The following RNF128 variants were observed in gnomAD, a reference collection of about 807,000 sequenced individuals.
RNF128 encodes ring finger protein 128, also known as E3 ubiquitin-protein ligase RNF128.
In RNF128, 13 loss-of-function variants were observed where a neutral mutation model predicts 26.2. That is an observed-to-expected ratio of 0.50 (90% CI 0.32 to 0.79). RNF128 has a LOEUF of 0.79. Among genes scored for constraint, RNF128 ranks in the 30% least tolerant of loss-of-function variants. The pLI is 0.03. For synonymous variants in RNF128, 149 were observed against 142.5 expected, an observed-to-expected ratio of 1.05 and a Z score of -0.32; for missense variants, 315 against 349.7, an observed-to-expected ratio of 0.90 and a Z score of 0.79.
chrX:106,791,105 G>T lies in RNF128; in HGVS notation c.1024G>T (p.Val342Leu), dbSNP rs1392003749. 1.7e-6 allele frequency: 2 copies of T among 1,207,521 alleles called. No homozygotes were observed. Residue 342 changes from valine (V) to leucine (L), a missense_variant, in exon 6 of 7, where the codon GTA (valine) becomes TTA (leucine). Transcript: ENST00000255499. Reference protein sequence around the residue: ...EDGSVSLQVPVSNEISNSASS... With the variant: ...EDGSVSLQVPLSNEISNSASS... ...TGGATCAGTGTCTTTACAAGTCCCT[G>T]TATCCAATGAAATATCTAATAGTGC...
rs911109988 is a variant in RNF128 at position 106,726,703 on chromosome X, G to A, written c.-211G>A. 1.9e-6 allele frequency: 2 copies of A among 1,026,441 alleles called. No homozygotes were observed. Among genetic ancestry groups the A allele is most frequent in the South Asian group, 2.9e-5 (1 of 34,434 alleles). The allele number at this position is 1,026,441 out of a possible 1,213,427, so 84.6% of individuals were successfully genotyped here. On this transcript the variant is annotated 5_prime_UTR_variant, in exon 1 of 7. Coordinates refer to ENST00000255499, the MANE Select transcript of RNF128 (RefSeq NM_194463.2). ...CCCCAGAGCCCGACGCGGCAGCCGC[G>A]GTAGCGGAGAAGACTGGAGCTCCGA... is the stretch of plus-strand genomic sequence containing the variant.
intron 1 of RNF128, among the ~76,000 whole-genome samples, chrX:106,762,467 C>T (rs1199754837): frequency 9.0e-6 from 1 of 110,524 alleles, no homozygotes; most frequent in East Asian, 2.8e-4. Context: ...GCATGCACTG[C>T]CACGCCTGGC....
chrX:106,694,483 T>C, intron 1 of RNF128: 2 of 810,982 alleles, frequency 2.5e-6, no homozygotes, highest in East Asian at 7.2e-5. Flanking sequence ...AGAACTGGTC[T>C]AGGATCTGGC....
At chrX:106,694,744 A>C (rs1379379858) in intron 1 of RNF128, among the ~76,000 whole-genome samples, 1 of 111,188 alleles carries the variant, frequency 9.0e-6, no homozygotes, top group Non-Finnish European at 1.9e-5. Context: ...ATTAATTTGC[A>C]CTTCTCAGTT....
At chrX:106,699,429 T>TC (rs1325506848) in intron 1 of RNF128, among the ~76,000 whole-genome samples, 1 of 111,965 alleles carries the variant, frequency 8.9e-6, no homozygotes, top group Non-Finnish European at 1.9e-5. Flanking sequence ...CATTTTTTTT[T>TC]CACATAACAC....
chrX:106,787,358 A>G (rs747082055), intron 3 of RNF128, among the ~76,000 whole-genome samples: 1 of 111,501 alleles, frequency 9.0e-6, no homozygotes, highest in African/African-American at 3.2e-5. Flanking sequence ...AAGCTAGATA[A>G]TGCATGATTC....
At chrX:106,704,779 T>A (rs1005604782) in intron 1 of RNF128, among the ~76,000 whole-genome samples, 14 of 111,732 alleles carry the variant, frequency 1.3e-4, no homozygotes, top group Admixed American at 1.2e-3. Context: ...ACAAATTAGC[T>A]TCCATTTGGG....
At chrX:106,768,424 TCTTCC>T (rs1930295242) in intron 1 of RNF128, among the ~76,000 whole-genome samples, 1 of 111,735 alleles carries the variant, frequency 8.9e-6, no homozygotes, top group Non-Finnish European at 1.9e-5. Context: ...AGATTCAACT[TCTTCC>T]TGGTTTAGTC....
intron 1 of RNF128, among the ~76,000 whole-genome samples, chrX:106,750,606 T>A (rs1482726952): frequency 1.8e-5 from 2 of 111,654 alleles, no homozygotes; most frequent in Non-Finnish European, 3.8e-5. Flanking sequence ...GAGCCACCAA[T>A]GTAAATGTCA....
chrX:106,755,083 C>A (rs1334188368), intron 1 of RNF128, among the ~76,000 whole-genome samples: 18 of 111,719 alleles, frequency 1.6e-4, no homozygotes, highest in Non-Finnish European at 1.9e-5. Context: ...GGACATACAA[C>A]CAATACCACA....
chrX:106,757,748 T>TA (rs201834617), intron 1 of RNF128, among the ~76,000 whole-genome samples: 4 of 110,114 alleles, frequency 3.6e-5, no homozygotes, highest in East Asian at 2.8e-4. Context: ...AAAATAAATT[T>TA]AAAAAAAACC....
At chrX:106,722,188 T>G (rs1429869999), upstream of RNF128, among the ~76,000 whole-genome samples, 1 of 110,510 alleles carries the variant, frequency 9.0e-6, no homozygotes, top group Non-Finnish European at 1.9e-5. Flanking sequence ...AAACTATACT[T>G]AAATTAACTT....
intron 1 of RNF128, among the ~76,000 whole-genome samples, chrX:106,748,206 G>A (rs1929820402): frequency 1.8e-5 from 2 of 112,018 alleles, no homozygotes; most frequent in South Asian, 7.3e-4. Context: ...ACTTGTACAG[G>A]AATCTATGTA....
chrX:106,790,561 T>C (rs1280712704), intron 5 of RNF128, among the ~76,000 whole-genome samples: 15 of 111,059 alleles, frequency 1.4e-4, no homozygotes, highest in Non-Finnish European at 2.8e-4. Flanking sequence ...GTTTTTGTAA[T>C]CTTTTACTAT....
chrX:106,783,585 A>G (rs1930601008), intron 2 of RNF128, among the ~76,000 whole-genome samples: 1 of 111,457 alleles, frequency 9.0e-6, no homozygotes, highest in Non-Finnish European at 1.9e-5. Flanking sequence ...TGTTCATTTT[A>G]CAGTTCAAAA....
intron 1 of RNF128, among the ~76,000 whole-genome samples, chrX:106,718,449 A>G (rs1929254426): frequency 9.0e-6 from 1 of 111,415 alleles, no homozygotes; most frequent in African/African-American, 3.3e-5. Flanking sequence ...CTAGTTTACT[A>G]TGAAGAAGAT....
intron 1 of RNF128, among the ~76,000 whole-genome samples, chrX:106,767,154 C>T (rs555059974): frequency 1.3e-4 from 15 of 111,832 alleles, no homozygotes; most frequent in Middle Eastern, 4.6e-3. Context: ...TAGGGTGATG[C>T]CTCCAGCTTT....
chrX:106,785,086 A>T lies in RNF128; in HGVS notation c.754A>T (p.Lys252Ter). ...ACAGAGGCAATTAAAGGCAGATGCTAAAAAAGCTATTGGAAGGCTTCAACT... is the reference window on the plus strand; with the variant it reads ...ACAGAGGCAATTAAAGGCAGATGCTTAAAAAGCTATTGGAAGGCTTCAACT... ...RKQRQLKADA[K>*]KAIGRLQLRT... is the part of the protein sequence containing the mutation. Residue 252 changes from lysine to a stop codon, truncating the protein, a stop_gained, in exon 3 of 7, where the codon AAA becomes TAA. Transcript: ENST00000255499. LOFTEE classifies it high-confidence loss of function. The T allele has an allele frequency of 8.4e-7, 1 of 1,186,326 alleles. No homozygotes were observed. The highest frequency in any genetic ancestry group is 1.1e-6 in the Non-Finnish European group (1 of 885,999).
chrX:106,723,569 AAT>A (rs1166271253), upstream of RNF128, among the ~76,000 whole-genome samples: 15 of 107,999 alleles, frequency 1.4e-4, no homozygotes, highest in East Asian at 5.8e-4. Context: ...CTCTGTCTAA[AAT>A]ATATATATAT....
Sources: allele counts gnomAD v4.1 joint callset (sites outside exome capture counted in the v4.1 genomes callset), GRCh38; gene constraint gnomAD v4.1.1; transcripts MANE v1.5; gene names NCBI Gene and HGNC (gene_info 2026-07-23, HGNC 2026-07-21).